Variants in GMDS observed in about 807,000 individuals in gnomAD.
The protein encoded by GMDS is GDP-mannose 4,6 dehydratase.
In GMDS, 20 loss-of-function variants were observed where a neutral mutation model predicts 49.9. The ratio of observed to expected loss-of-function variants is 0.40; its 90% CI spans 0.28 to 0.58. GMDS has a LOEUF of 0.58. Ranked by LOEUF, GMDS falls within the 20% of genes least tolerant of loss-of-function variation. The pLI, the probability that GMDS is intolerant of heterozygous loss-of-function variation, is 0.42. For missense variants in GMDS, 362 were observed against 481.4 expected, an observed-to-expected ratio of 0.75 and a Z score of 2.32; for synonymous variants, 177 against 178.6, an observed-to-expected ratio of 0.99 and a Z score of 0.07.
intron 9 of GMDS, among the ~76,000 whole-genome samples, chr6:1,715,122 A>C (rs1391345651): frequency 3.9e-5 from 6 of 152,252 alleles, no homozygotes; most frequent in African/African-American, 1.4e-4. Flanking sequence ...AAGTGGCAGA[A>C]ATGAAAGAAT....
chr6:2,112,470 C>T (rs762706727), intron 4 of GMDS, among the ~76,000 whole-genome samples: 2 of 152,132 alleles, frequency 1.3e-5, no homozygotes, highest in Non-Finnish European at 1.5e-5. Flanking sequence ...CCAGGGACAG[C>T]ATCATCTGGA....
intron 4 of GMDS, among the ~76,000 whole-genome samples, chr6:2,092,601 A>T (rs1773382528): frequency 6.6e-6 from 1 of 152,208 alleles, no homozygotes; most frequent in African/African-American, 2.4e-5. Context: ...CAAATAATAG[A>T]TGCAGAGTCA....
chr6:2,235,107 A>C (rs1781295237), intron 1 of GMDS, among the ~76,000 whole-genome samples: 1 of 152,192 alleles, frequency 6.6e-6, no homozygotes, highest in Non-Finnish European at 1.5e-5. Context: ...CCTGGGCAAC[A>C]AGAGCAAAAC....
At chr6:2,198,470 G>C (rs887123513) in intron 1 of GMDS, among the ~76,000 whole-genome samples, 2 of 151,750 alleles carry the variant, frequency 1.3e-5, no homozygotes, top group African/African-American at 2.4e-5. Flanking sequence ...AAATGTCAAA[G>C]TATGCTAAGA....
chr6:1,796,036 G>A (rs569287009), intron 7 of GMDS, among the ~76,000 whole-genome samples: 1 of 152,184 alleles, frequency 6.6e-6, no homozygotes, highest in Non-Finnish European at 1.5e-5. Context: ...AACCAGAGGT[G>A]TGGCTTCAGC....
intron 9 of GMDS, among the ~76,000 whole-genome samples, chr6:1,673,970 A>ATTTTTTTTTTTTTTTTTTTTTTTT (rs1554106277): frequency 1.2e-4 from 17 of 144,940 alleles, no homozygotes; most frequent in Non-Finnish European, 2.3e-4. Context: ...TAGGTTGATT[A>ATTTTTTTTTTTTTTTTTTTTTTTT]TTAATAATGC....
intron 7 of GMDS, among the ~76,000 whole-genome samples, chr6:1,782,842 A>T (rs1769160720): frequency 6.6e-6 from 1 of 152,194 alleles, no homozygotes; most frequent in Non-Finnish European, 1.5e-5. Context: ...AGGAGGCATT[A>T]TTATTTCTCT....
intron 7 of GMDS, among the ~76,000 whole-genome samples, chr6:1,789,538 T>TC (rs1359365422): frequency 4.4e-5 from 2 of 45,376 alleles, no homozygotes; most frequent in Non-Finnish European, 8.1e-5. Context: ...TTTTCTTTTT[T>TC]TTTTTTTTTT....
chr6:1,665,627 G>C (rs1457385441), intron 9 of GMDS, among the ~76,000 whole-genome samples: 1 of 152,218 alleles, frequency 6.6e-6, no homozygotes, highest in African/African-American at 2.4e-5. Context: ...AGGCTTTGCT[G>C]TTGTTTTCCA....
Position 2,117,581 on chromosome 6 carries a change from T to TA in GMDS, c.148-26dup, listed in dbSNP as rs758732804. On this transcript the variant is annotated intron_variant, in intron 2 of 10. Transcript: ENST00000380815. Reference sequence around the variant, plus strand: ...CCTGAGTTTTTACAGTGTGGAAAGATAAATGTGCAATGAGGACTAATAAAC... The same window carrying TA: ...CCTGAGTTTTTACAGTGTGGAAAGATAAAATGTGCAATGAGGACTAATAAAC... 3.0e-5 allele frequency: 38 copies of TA among 1,259,120 alleles called. No individual in the cohort carries two copies. The Admixed American group carries it at 6.4e-4, about 21-fold the overall frequency. The allele number at this position is 1,259,120 out of a possible 1,614,324, so 78.0% of individuals were successfully genotyped here. A position where few individuals can be genotyped will look rare whatever the true frequency, so the allele number is the denominator to read the frequency against.
intron 4 of GMDS, among the ~76,000 whole-genome samples, chr6:2,022,787 T>G (rs930005215): frequency 1.3e-5 from 2 of 152,146 alleles, no homozygotes; most frequent in African/African-American, 4.8e-5. Flanking sequence ...TAAAACACAG[T>G]TGGAAATCAG....
chr6:1,766,248 A>T lies in GMDS; in HGVS notation c.772-23662T>A, dbSNP rs1581157017. On this transcript the variant is annotated intron_variant, in intron 7 of 10. Transcript: ENST00000380815. This position sits in a 1 kb window ranked among gnomAD's most constrained non-coding sequence, Gnocchi z 4.5. ...AGGAGAAGTTAGCTAATTTAAGCTG[A>T]TGTGCATTGAGTCACTGGAAATTGG... is the stretch of plus-strand genomic sequence containing the variant. Among the ~76,000 whole-genome samples the T allele has an allele frequency of 6.6e-6, 1 of 152,174 alleles. No individual in the cohort carries two copies. The highest frequency in any genetic ancestry group is 1.5e-5 in the Non-Finnish European group (1 of 68,028).
At chr6:2,027,742 C>A (rs1272512041) in intron 4 of GMDS, among the ~76,000 whole-genome samples, 11 of 152,250 alleles carry the variant, frequency 7.2e-5, no homozygotes, top group African/African-American at 2.6e-4. Context: ...CATAAATTTA[C>A]ATTTCATAAA....
intron 9 of GMDS, among the ~76,000 whole-genome samples, chr6:1,690,528 A>G (rs1385415457): frequency 1.3e-5 from 2 of 152,212 alleles, no homozygotes; most frequent in Non-Finnish European, 2.9e-5. Flanking sequence ...AGACGGTTGT[A>G]GACGTGCAGT....
intron 7 of GMDS, among the ~76,000 whole-genome samples, chr6:1,892,705 T>C (rs573193883): frequency 1.1e-4 from 17 of 152,310 alleles, no homozygotes; most frequent in Non-Finnish European, 1.8e-4. Flanking sequence ...AAATTAACTA[T>C]TGGATCTAAC....
intron 1 of GMDS, among the ~76,000 whole-genome samples, chr6:2,193,784 C>T (rs1430932640): frequency 2.3e-5 from 3 of 132,960 alleles, no homozygotes; most frequent in East Asian, 2.2e-4. Context: ...AGTGCAGTGG[C>T]GCGATCTCGG....
At chr6:1,765,876 G>A (rs537893858) in intron 7 of GMDS, among the ~76,000 whole-genome samples, 2 of 152,268 alleles carry the variant, frequency 1.3e-5, no homozygotes, top group African/African-American at 4.8e-5. Flanking sequence ...CAAACGCAAA[G>A]GCCTTGAGAA....
intron 2 of GMDS, among the ~76,000 whole-genome samples, chr6:2,123,148 C>T (rs1775232981): frequency 6.6e-6 from 1 of 152,046 alleles, no homozygotes; most frequent in African/African-American, 2.4e-5. Flanking sequence ...CTAACAGTAC[C>T]AGGTGCTTGA....
intron 7 of GMDS, among the ~76,000 whole-genome samples, chr6:1,889,646 T>C (rs1173239232): frequency 1.3e-5 from 2 of 152,234 alleles, no homozygotes; most frequent in African/African-American, 2.4e-5. Flanking sequence ...TTCATTGATA[T>C]ATAATTCACA....
Sources: allele counts gnomAD v4.1 joint callset (sites outside exome capture counted in the v4.1 genomes callset), GRCh38; gene constraint gnomAD v4.1.1; non-coding constraint Gnocchi (gnomAD v3.1); transcripts MANE v1.5; gene names NCBI Gene and HGNC (gene_info 2026-07-23, HGNC 2026-07-21).